The following FBXO25 variants were observed in gnomAD, a reference collection of about 807,000 sequenced individuals.
FBXO25 encodes the protein F-box protein 25.
Under a neutral mutation model 51.9 loss-of-function variants are expected in FBXO25, and 45 were observed. The ratio of observed to expected loss-of-function variants is 0.87; its 90% CI spans 0.68 to 1.11. The LOEUF (loss-of-function observed/expected upper bound fraction) is 1.11. FBXO25 is among the 50% of genes most tolerant of loss of function. The pLI is 0.00. For missense variants in FBXO25, 507 were observed against 428.5 expected (o/e 1.18, Z -1.62); for synonymous variants, 199 against 151.0 (o/e 1.32, Z -2.33).
At chr8:455,269 C>T (rs1308218758) in intron 7 of FBXO25, among the ~76,000 whole-genome samples, 2 of 152,304 alleles carry the variant, frequency 1.3e-5, no homozygotes, top group South Asian at 4.1e-4. Context: ...GTTTAGAGGT[C>T]CCCTTCAGTG....
At chr8:451,028 T>C (rs1363110305) in intron 6 of FBXO25, 18 of 368,404 alleles carry the variant, frequency 4.9e-5, no homozygotes, top group African/African-American at 1.5e-4. Flanking sequence ...AGTGGAGATA[T>C]ATATTTGTCC....
intron 8 of FBXO25, among the ~76,000 whole-genome samples, chr8:460,782 G>A (rs942329161): frequency 3.9e-5 from 6 of 152,192 alleles, no homozygotes; most frequent in Admixed American, 1.3e-4. Flanking sequence ...CTGCCTGGAG[G>A]ACAGAGAAAT....
At chr8:449,966 G>C in intron 5 of FBXO25, 24 bp from the exon 6 acceptor site, 1 of 1,535,394 alleles carries the variant, frequency 6.5e-7, no homozygotes, top group Non-Finnish European at 9.0e-7. Context: ...ATATCGCTCA[G>C]CTTTTTTCCG....
In FBXO25 at chr8:430,629, G is replaced by A. The variant is rs1563073504; in HGVS notation, c.135-712G>A. Reference sequence around the variant, plus strand: ...CTTCCTCACTTTACACTGAAAATCTGTTATCAGTGTGTGGAAAATAAAAAT... The same window carrying A: ...CTTCCTCACTTTACACTGAAAATCTATTATCAGTGTGTGGAAAATAAAAAT... On this transcript the variant is annotated intron_variant, in intron 2 of 9. Coordinates refer to ENST00000350302, the MANE Select transcript of FBXO25 (RefSeq NM_183420.2). Among the ~76,000 whole-genome samples, 5 of 152,274 alleles carry A rather than the reference G, an allele frequency of 3.3e-5. No homozygotes were observed. The Middle Eastern group carries it at 0.01, about 311-fold the overall frequency.
intron 5 of FBXO25, among the ~76,000 whole-genome samples, chr8:442,029 T>A (rs1329134855): frequency 6.6e-6 from 1 of 152,204 alleles, no homozygotes; most frequent in African/African-American, 2.4e-5. Flanking sequence ...CCTGGCAAAT[T>A]AGATGGAACT....
intron 2 of FBXO25, among the ~76,000 whole-genome samples, chr8:415,038 A>G (rs1796713898): frequency 6.6e-6 from 1 of 152,184 alleles, no homozygotes; most frequent in African/African-American, 2.4e-5. Flanking sequence ...TTTGAACCTA[A>G]AATTGATTTT....
At chr8:447,482 AG>A (rs1798812157) in intron 5 of FBXO25, among the ~76,000 whole-genome samples, 1 of 152,218 alleles carries the variant, frequency 6.6e-6, no homozygotes, top group South Asian at 2.1e-4. Context: ...TGAAAAAAAC[AG>A]GAAACTCATG....
At chr8:444,329 C>T (rs3873816) in intron 5 of FBXO25, among the ~76,000 whole-genome samples, 3 of 152,294 alleles carry the variant, frequency 2.0e-5, no homozygotes, top group Admixed American at 2.0e-4. Flanking sequence ...TGAGGCCCTT[C>T]AGGAGCACAG....
At position 469,643 on chromosome 8, in the gene FBXO25, T is replaced by A. The variant is rs1293761870; in HGVS notation, c.*839T>A. On this transcript the variant is annotated 3_prime_UTR_variant, in exon 10 of 10. Transcript: ENST00000350302. ...TTTGATACTTAAATCCTTAAAAGAT[T>A]GCTTCGTTTTTAAAATAACGCATGT... 1.3e-5 allele frequency: 2 copies of A among 152,240 alleles called. No individual in the cohort carries two copies. The highest frequency in any genetic ancestry group is 2.9e-5 in the Non-Finnish European group (2 of 68,048). The allele number at this position is 152,240 out of a possible 1,614,324, so 9.4% of individuals were successfully genotyped here.
At chr8:414,296 A>G in intron 2 of FBXO25, among the ~76,000 whole-genome samples, 1 of 152,238 alleles carries the variant, frequency 6.6e-6, no homozygotes, top group African/African-American at 2.4e-5. Context: ...AATGTTATAC[A>G]GTTATGAATT....
intron 9 of FBXO25, among the ~76,000 whole-genome samples, chr8:464,985 T>C (rs1800058689): frequency 6.6e-6 from 1 of 152,190 alleles, no homozygotes; most frequent in Admixed American, 6.5e-5. Flanking sequence ...AGTCAGCAAA[T>C]CAGTTCATCA....
intron 8 of FBXO25, among the ~76,000 whole-genome samples, chr8:462,293 C>G (rs1004204063): frequency 6.6e-6 from 1 of 152,194 alleles, no homozygotes; most frequent in African/African-American, 2.4e-5. Flanking sequence ...AGATAAATGT[C>G]TTTGCATGTC....
intron 6 of FBXO25, among the ~76,000 whole-genome samples, chr8:450,366 C>G (rs1485319542): frequency 1.3e-5 from 2 of 152,068 alleles, no homozygotes; most frequent in African/African-American, 4.8e-5. Context: ...GTTAGCTAAT[C>G]ACAGTTCATT....
intron 5 of FBXO25, among the ~76,000 whole-genome samples, chr8:438,312 G>A (rs1030583050): frequency 6.6e-6 from 1 of 152,144 alleles, no homozygotes; most frequent in Non-Finnish European, 1.5e-5. Context: ...ACCTGCCTCG[G>A]CCTCCCAAAG....
At chr8:407,439 G>C (rs1203691777) in intron 1 of FBXO25, 3 of 984,562 alleles carry the variant, frequency 3.0e-6, no homozygotes, top group East Asian at 1.1e-4. Flanking sequence ...CGGCCGGCGG[G>C]TGTGGAGGGT....
At chr8:421,857 T>C (rs773034785) in intron 2 of FBXO25, among the ~76,000 whole-genome samples, 3 of 152,134 alleles carry the variant, frequency 2.0e-5, no homozygotes, top group Non-Finnish European at 2.9e-5. Flanking sequence ...AAGTGCTGCA[T>C]TGGCCAAAGC....
At chr8:417,755 A>C (rs1224018852) in intron 2 of FBXO25, among the ~76,000 whole-genome samples, 1 of 152,134 alleles carries the variant, frequency 6.6e-6, no homozygotes, top group Non-Finnish European at 1.5e-5. Flanking sequence ...TGAGTTCCTC[A>C]TTCATTATAA....
chr8:436,033 C>T (rs914240082), intron 5 of FBXO25, among the ~76,000 whole-genome samples: 2 of 152,160 alleles, frequency 1.3e-5, no homozygotes, highest in Non-Finnish European at 2.9e-5. Flanking sequence ...ATAGAACGGT[C>T]GTGGGATCTT....
chr8:424,884 T>A (rs1002943320), intron 2 of FBXO25, among the ~76,000 whole-genome samples: 10 of 152,196 alleles, frequency 6.6e-5, no homozygotes, highest in Admixed American at 5.9e-4. Flanking sequence ...GATAGTTTCT[T>A]GTTGTTCTTA....
Sources: gnomAD v4.1 joint callset for allele counts (sites outside exome capture counted in the v4.1 genomes callset) on GRCh38, gnomAD v4.1.1 for gene constraint, MANE v1.5 for transcripts, NCBI Gene and HGNC (gene_info 2026-07-23, HGNC 2026-07-21) for gene names.